Variants in ZNF236 observed in about 807,000 individuals in gnomAD.
ZNF236 encodes regulated by glucose.
A neutral mutation model predicts 191.2 loss-of-function variants in ZNF236; 50 were observed. That is an observed-to-expected ratio of 0.26 (90% CI 0.21 to 0.33). ZNF236 has a LOEUF of 0.33. Among genes scored for constraint, ZNF236 ranks in the 10% least tolerant of loss-of-function variants. ZNF236 has a pLI of 1.00. For missense variants in ZNF236, 1,754 were observed against 2,374.5 expected, an observed-to-expected ratio of 0.74 and a Z score of 5.43; for synonymous variants, 907 against 928.8, an observed-to-expected ratio of 0.98 and a Z score of 0.43.
At chr18:76,852,004 A>G (rs1975892430) in intron 3 of ZNF236, 65 bp downstream of exon 3, 1 of 1,479,102 alleles carries the variant, frequency 6.8e-7, no homozygotes, top group Admixed American at 2.2e-5. Context: ...ATCATGAGTC[A>G]GGAGGATTTT....
intron 29 of ZNF236, 33 bp downstream of exon 29, chr18:76,959,849 C>T (rs1013466053): frequency 1.2e-6 from 2 of 1,605,116 alleles, no homozygotes; most frequent in African/African-American, 1.3e-5. Flanking sequence ...TGTTTCCTTA[C>T]TCTTTGAAGT....
intron 9 of ZNF236, chr18:76,885,537 GA>G: frequency 6.0e-6 from 1 of 167,384 alleles, no homozygotes; most frequent in Non-Finnish European, 1.3e-5. Context: ...GTGACTGACA[GA>G]AGGGAGGCAA....
chr18:76,881,248 G>A (rs368289776), intron 8 of ZNF236, 36 bp from the exon 9 acceptor site: 20 of 1,583,852 alleles, frequency 1.3e-5, no homozygotes, highest in Non-Finnish European at 1.5e-5. Flanking sequence ...TTGGGCCATC[G>A]TTACCTTCTA....
chr18:76,945,439 A>G (rs1484031303), intron 26 of ZNF236, among the ~76,000 whole-genome samples: 4 of 152,256 alleles, frequency 2.6e-5, no homozygotes, highest in South Asian at 2.1e-4. Context: ...GAAAATAGCA[A>G]TATTCAATCA....
chr18:76,954,372 G>A (rs979559749), intron 27 of ZNF236, among the ~76,000 whole-genome samples: 10 of 152,154 alleles, frequency 6.6e-5, no homozygotes, highest in African/African-American at 2.2e-4. Flanking sequence ...TAGATGCTTC[G>A]TAATACTGAT....
intron 27 of ZNF236, among the ~76,000 whole-genome samples, chr18:76,948,414 GT>G (rs1267997044): frequency 4.6e-5 from 7 of 152,310 alleles, no homozygotes. Context: ...CTGAATTTCA[GT>G]TTGTATAACT....
At position 76,924,120 on chromosome 18, in the gene ZNF236, A is replaced by G. The variant is rs1355641194; in HGVS notation, c.3661+946A>G. Among the ~76,000 whole-genome samples, 5 of 152,306 alleles carry G rather than the reference A, an allele frequency of 3.3e-5. No homozygotes were observed. In the East Asian group the frequency reaches 9.7e-4, roughly 29 times the overall value. ...TAAACAGATCCCTGAGCTTGTTTAT[A>G]TGACTGTCCTGTGTGCAGTTTTTCT... is the stretch of plus-strand genomic sequence containing the variant. On this transcript the variant is annotated intron_variant, in intron 21 of 30. Transcript: ENST00000320610.
chr18:76,955,398 G>A (rs904990237), intron 27 of ZNF236, among the ~76,000 whole-genome samples: 22 of 152,108 alleles, frequency 1.4e-4, no homozygotes, highest in Admixed American at 7.9e-4. Context: ...GCCTGGGCAA[G>A]AGAGCAAGAC....
Position 76,880,810 on chromosome 18 carries a change from C to T in ZNF236, c.1189-474C>T, listed in dbSNP as rs1976871841. Among the ~76,000 whole-genome samples the T allele has an allele frequency of 6.6e-6, 1 of 152,190 alleles. No individual in the cohort carries two copies. Among genetic ancestry groups the T allele is most frequent in the African/African-American group, 2.4e-5 (1 of 41,440 alleles). Reference sequence around the variant, plus strand: ...CTTTCTAGTCCACCGTGACTTCACACTAACTCTTCACTCCTCCTGTCTCTC... The same window carrying T: ...CTTTCTAGTCCACCGTGACTTCACATTAACTCTTCACTCCTCCTGTCTCTC... On this transcript the variant is annotated intron_variant, in intron 8 of 30. Transcript: ENST00000320610. The surrounding 1 kb of genome is among the most constrained non-coding windows in gnomAD (Gnocchi z 5.0).
chr18:76,965,121 C>T (rs1382855738), intron 30 of ZNF236, among the ~76,000 whole-genome samples: 1 of 152,110 alleles, frequency 6.6e-6, no homozygotes, highest in African/African-American at 2.4e-5. Flanking sequence ...TGGGTTAATT[C>T]GAAGACCTTG....
chr18:76,833,764 C>G (rs939597279), intron 1 of ZNF236, among the ~76,000 whole-genome samples: 1 of 152,060 alleles, frequency 6.6e-6, no homozygotes, highest in Non-Finnish European at 1.5e-5. Context: ...ATAAGGTTGA[C>G]ATTATATGGT....
At chr18:76,933,498 C>G (rs1453746582) in intron 25 of ZNF236, among the ~76,000 whole-genome samples, 1 of 150,768 alleles carries the variant, frequency 6.6e-6, no homozygotes, top group East Asian at 1.9e-4. Context: ...CTGAGAAAAT[C>G]AGTCTCTCTC....
Position 76,925,692 on chromosome 18 carries a change from C to A in ZNF236, c.4027+138C>A. 1 of 1,263,948 alleles carries A rather than the reference C, an allele frequency of 7.9e-7. No homozygotes were observed. The highest frequency in any genetic ancestry group is 1.7e-5 in the South Asian group (1 of 60,332). The allele number at this position is 1,263,948 out of a possible 1,614,324, so 78.3% of individuals were successfully genotyped here. ...TTCTTTGAGCCTTTTCCTTATAAGGCATTCGGAAAAATTGGAATTCCGTCT... is the reference window on the plus strand; with the variant it reads ...TTCTTTGAGCCTTTTCCTTATAAGGAATTCGGAAAAATTGGAATTCCGTCT... On this transcript the variant is annotated intron_variant, in intron 22 of 30. Transcript: ENST00000320610. The surrounding 1 kb of genome is among the most constrained non-coding windows in gnomAD (Gnocchi z 5.7).
At chr18:76,934,550 C>G (rs1967943965) in intron 25 of ZNF236, among the ~76,000 whole-genome samples, 1 of 152,168 alleles carries the variant, frequency 6.6e-6, no homozygotes, top group Admixed American at 6.5e-5. Context: ...AAGCAAAGAC[C>G]AGTATTTGTT....
intron 18 of ZNF236, among the ~76,000 whole-genome samples, chr18:76,914,728 C>G (rs1282891405): frequency 6.6e-6 from 1 of 152,112 alleles, no homozygotes. Context: ...GGATTATTTG[C>G]CTTATTGAGT....
chr18:76,829,157 C>G (rs567973462), intron 1 of ZNF236, among the ~76,000 whole-genome samples: 1 of 152,086 alleles, frequency 6.6e-6, no homozygotes, highest in Non-Finnish European at 1.5e-5. Flanking sequence ...ATATTTCAAG[C>G]CTTTATGTTG....
At chr18:76,950,557 C>T (rs1968379863) in intron 27 of ZNF236, among the ~76,000 whole-genome samples, 1 of 151,910 alleles carries the variant, frequency 6.6e-6, no homozygotes, top group African/African-American at 2.4e-5. Context: ...TGCAGCAATT[C>T]AGTCATCTTC....
rs1976696937 is a variant in ZNF236 at position 76,875,862 on chromosome 18, CT to C, written c.840+204del. ...ATGTGGAAGAAATATAAACTACTAT[CT>C]TTTTTGTCTTCTTGCTGACAGCATG... On this transcript the variant is annotated intron_variant, in intron 6 of 30. Transcript: ENST00000320610. This position sits in a 1 kb window ranked among gnomAD's most constrained non-coding sequence, Gnocchi z 4.3. 6.6e-6 allele frequency among the ~76,000 whole-genome samples: 1 copy of C among 152,118 alleles called. No homozygotes were observed. The highest frequency in any genetic ancestry group is 2.4e-5 in the African/African-American group (1 of 41,436).
chr18:76,878,119 A>G lies in ZNF236; in HGVS notation c.951A>G (p.Ser317=). 6.2e-7 allele frequency: 1 copy of G among 1,613,296 alleles called. No individual in the cohort carries two copies. Among genetic ancestry groups the G allele is most frequent in the Non-Finnish European group, 8.5e-7 (1 of 1,179,508 alleles). Residue 317 remains serine (S), a synonymous_variant, in exon 7 of 31, where the codon TCA becomes TCG. Coordinates refer to ENST00000320610, the MANE Select transcript of ZNF236 (RefSeq NM_001306089.2). ...TGCATATGGGTGGGCCACAGAATTC[A>G]ACAAGTTCTACAGAGACTGCTCATG... is the stretch of plus-strand genomic sequence containing the variant. The part of the protein sequence containing the change: ...SKMHMGGPQN[S]TSSTETAHVL...
Sources: allele counts gnomAD v4.1 joint callset (sites outside exome capture counted in the v4.1 genomes callset), GRCh38; gene constraint gnomAD v4.1.1; non-coding constraint Gnocchi (gnomAD v3.1); transcripts MANE v1.5; gene names NCBI Gene and HGNC (gene_info 2026-07-23, HGNC 2026-07-21).